The following JADE2 variants were observed in gnomAD, a reference collection of about 807,000 sequenced individuals.
JADE2 encodes E3 ubiquitin-protein ligase Jade-2.
JADE2 carries 13 observed loss-of-function variants against 85.7 expected under a neutral mutation model. The ratio of observed to expected loss-of-function variants is 0.15; its 90% CI spans 0.10 to 0.24. JADE2 has a LOEUF of 0.24. JADE2 is among the 10% of genes least tolerant of loss of function. The probability of loss-of-function intolerance (pLI) is 1.00; values close to 1 mark genes in which losing one functional copy is unlikely to be tolerated. For missense variants in JADE2, 846 were observed against 1,115.9 expected (o/e 0.76, Z 3.45); for synonymous variants, 440 against 456.1 (o/e 0.96, Z 0.45).
chr5:134,564,555 G>A lies in JADE2; in HGVS notation c.914G>A (p.Ser305Asn). ...PITKISHIPASRWALSCSLCK... is the reference protein window; with the variant it reads ...PITKISHIPANRWALSCSLCK... ...ACCAAGATCTCGCATATCCCAGCCAGCCGCTGGGCTCTGTCCTGCAGCCTC... is the reference window on the plus strand; with the variant it reads ...ACCAAGATCTCGCATATCCCAGCCAACCGCTGGGCTCTGTCCTGCAGCCTC... Residue 305 changes from serine (S) to asparagine (N), a missense_variant, in exon 8 of 12, where the codon AGC becomes AAC. By Grantham distance (46) the Ser-to-Asn change is conservative (BLOSUM62 1). Transcript: ENST00000681547. 1.3e-6 allele frequency: 2 copies of A among 1,573,920 alleles called. No homozygotes were observed. The highest frequency in any genetic ancestry group is 1.7e-6 in the Non-Finnish European group (2 of 1,159,412).
intron 2 of JADE2, chr5:134,536,893 C>G (rs568315757): frequency 6.6e-6 from 1 of 152,420 alleles, no homozygotes; most frequent in Admixed American, 6.5e-5. Context: ...CAGAGTTCCA[C>G]AGCCCCCACA....
intron 1 of JADE2, among the ~76,000 whole-genome samples, chr5:134,528,982 C>T (rs116794348): frequency 0.023 from 3,563 of 152,266 alleles, 155 homozygotes; most frequent in African/African-American, 0.081. Flanking sequence ...GTGGGACTGC[C>T]AGTCCCCAGG....
chr5:134,560,765 G>A lies in JADE2; in HGVS notation c.492G>A (p.Glu164=), dbSNP rs774179241. Residue 164 remains glutamate (E), a synonymous_variant, in exon 6 of 12, where the codon GAG becomes GAA. Transcript: ENST00000681547. ...LKEMERPELD[E]LTLERVLEEL... is the part of the protein sequence containing the mutation. Reference sequence around the variant, plus strand: ...TCACAGAGAGGCCGGAGCTGGACGAGCTGACATTAGAGCGTGTGCTGGAGG... The same window carrying A: ...TCACAGAGAGGCCGGAGCTGGACGAACTGACATTAGAGCGTGTGCTGGAGG... 4.3e-6 allele frequency: 7 copies of A among 1,613,752 alleles called. No individual in the cohort carries two copies. The highest frequency in any genetic ancestry group is 2.7e-5 in the African/African-American group (2 of 74,930).
intron 9 of JADE2, among the ~76,000 whole-genome samples, chr5:134,571,725 G>T (rs56256312): frequency 0.012 from 1,806 of 152,200 alleles, 35 homozygotes; most frequent in African/African-American, 0.041. Flanking sequence ...TCCAATCCTG[G>T]CTTCCCTTGG....
chr5:134,564,664 G>T, intron 8 of JADE2, 54 bp downstream of exon 8: 2 of 1,200,130 alleles, frequency 1.7e-6, no homozygotes, highest in Non-Finnish European at 2.3e-6. Context: ...AGGCATGCTT[G>T]GGGCCTCAGA....
chr5:134,554,039 TG>T (rs1762766131), intron 4 of JADE2, among the ~76,000 whole-genome samples: 1 of 152,222 alleles, frequency 6.6e-6, no homozygotes, highest in African/African-American at 2.4e-5. Flanking sequence ...TGTCTACTCC[TG>T]GCCTTGGCAA....
chr5:134,578,860 G>T lies in JADE2; in HGVS notation c.2048G>T (p.Gly683Val), dbSNP rs1764548387. 1.2e-6 allele frequency: 2 copies of T among 1,613,772 alleles called. No homozygotes were observed. Among genetic ancestry groups the T allele is most frequent in the South Asian group, 1.1e-5 (1 of 91,084 alleles). Residue 683 changes from glycine to valine, a missense_variant, in exon 12 of 12, where the codon GGT becomes GTT. Gly to Val is a moderately radical substitution (Grantham distance 109, BLOSUM62 -3). This residue lies in a region of JADE2 where 300 missense variants were observed against 300.7 expected (regional missense o/e 1.00). Coordinates refer to ENST00000681547, the MANE Select transcript of JADE2 (RefSeq NM_001388185.1). This position sits in a 1 kb window ranked among gnomAD's most constrained non-coding sequence, Gnocchi z 4.4. ...CAGGATGCAGGCAGTGGCAAGGGGG[G>T]TCAAGGGCCACCTACCAGGAAGCCA... ...WGQDAGSGKG[G>V]QGPPTRKPPR...
chr5:134,578,517 A>G lies in JADE2; in HGVS notation c.1705A>G (p.Ile569Val). The G allele has an allele frequency of 6.3e-7, 1 of 1,593,206 alleles. No homozygotes were observed. Among genetic ancestry groups the G allele is most frequent in the Non-Finnish European group, 8.6e-7 (1 of 1,165,654 alleles). ...AGCAGGCCTGTCCACCTCATTCCCC[A>G]TCGATGGCACCTTCTTCAACAGCTG... is the stretch of plus-strand genomic sequence containing the variant. The part of the protein sequence containing the change: ...QLAGLSTSFP[I>V]DGTFFNSWLA... The change falls in exon 12 of 12, where the codon ATC (isoleucine) becomes GTC (valine). Residue 569 changes from isoleucine (I) to valine (V), a missense_variant. Physicochemically the swap from Ile to Val is conservative, Grantham distance 29 (BLOSUM62 3). Transcript: ENST00000681547. The surrounding 1 kb of genome is among the most constrained non-coding windows in gnomAD (Gnocchi z 4.4).
rs1764689645 is a variant in JADE2, at chr5:134,581,079, G to A, written c.*1762G>A. 1 of 152,590 alleles carries A rather than the reference G, an allele frequency of 6.6e-6. No homozygotes were observed. Among genetic ancestry groups the A allele is most frequent in the African/African-American group, 2.4e-5 (1 of 41,450 alleles). The allele number at this position is 152,590 out of a possible 1,614,324, so 9.5% of individuals were successfully genotyped here. ...TCCAAAACTATCAAGGTACGACAGT[G>A]GCATTGTCATCGACACTCAATTTCA... On this transcript the variant is annotated 3_prime_UTR_variant, in exon 12 of 12. Coordinates refer to ENST00000681547, the MANE Select transcript of JADE2 (RefSeq NM_001388185.1).
chr5:134,579,062 C>G lies in JADE2; in HGVS notation c.2250C>G (p.Gly750=). The G allele has an allele frequency of 6.2e-7, 1 of 1,613,994 alleles. No homozygotes were observed. Among genetic ancestry groups the G allele is most frequent in the East Asian group, 2.2e-5 (1 of 44,882 alleles). Residue 750 remains glycine (G), a synonymous_variant, in exon 12 of 12, where the codon GGC becomes GGG. Coordinates refer to ENST00000681547, the MANE Select transcript of JADE2 (RefSeq NM_001388185.1). The surrounding 1 kb of genome is among the most constrained non-coding windows in gnomAD (Gnocchi z 4.6). ...CTGCAGCAAGCCCTAAGCCTTTGGG[C>G]CGGCTCCGGCCACCCCGCGAGAGCA... is the stretch of plus-strand genomic sequence containing the variant. ...PGPAASPKPL[G]RLRPPRESKV... is the part of the protein sequence containing the mutation.
In JADE2 at chr5:134,579,229, AT is replaced by A. The variant is rs1265294013; in HGVS notation, c.2418del (p.Asp806GlufsTer2). The A allele has an allele frequency of 1.9e-6, 3 of 1,613,984 alleles. No individual in the cohort carries two copies. The highest frequency in any genetic ancestry group is 1.3e-5 in the African/African-American group (1 of 74,938). On this transcript the variant is annotated frameshift_variant, in exon 12 of 12. Transcript: ENST00000681547. LOFTEE classifies it high-confidence loss of function. This position sits in a 1 kb window ranked among gnomAD's most constrained non-coding sequence, Gnocchi z 4.6. ...TCTGATGGGGAGATGAGCGACTCAG[AT>A]GTAGAGGCCGAGGACGGTGGGGTGC... Reference protein sequence around the residue: ...YFSDGEMSDSDVEAEDGGVQR... With the variant: ...YFSDGEMSDSXVEAEDGGVQR...
At chr5:134,577,710 G>A (rs918943763) in intron 11 of JADE2, among the ~76,000 whole-genome samples, 11 of 151,998 alleles carry the variant, frequency 7.2e-5, no homozygotes, top group African/African-American at 1.4e-4. Flanking sequence ...CACCCCTCCC[G>A]CAAAAAGAAG....
chr5:134,526,772 G>A (rs1016540353), intron 1 of JADE2: 610 of 985,300 alleles, frequency 6.2e-4, no homozygotes, highest in Non-Finnish European at 7.0e-4. Context: ...AGTGTGGAGG[G>A]TGCGGAGCCT....
intron 10 of JADE2, among the ~76,000 whole-genome samples, chr5:134,576,448 C>G (rs1183938226): frequency 1.3e-5 from 2 of 152,140 alleles, no homozygotes; most frequent in Non-Finnish European, 2.9e-5. Context: ...AAGGCCCTGC[C>G]CTGTCCAGAC....
chr5:134,545,446 A>G (rs1762242482), intron 3 of JADE2, among the ~76,000 whole-genome samples: 1 of 151,346 alleles, frequency 6.6e-6, no homozygotes, highest in Non-Finnish European at 1.5e-5. Flanking sequence ...AACTTAGCCT[A>G]GTGGTAGCTT....
At chr5:134,567,785 A>G (rs1763741493) in intron 9 of JADE2, among the ~76,000 whole-genome samples, 1 of 152,152 alleles carries the variant, frequency 6.6e-6, no homozygotes, top group Non-Finnish European at 1.5e-5. Context: ...GAAATGACCT[A>G]TTGCCCCCAG....
At chr5:134,544,517 G>C (rs1762172415) in intron 3 of JADE2, 1 of 167,114 alleles carries the variant, frequency 6.0e-6, no homozygotes. Context: ...TGGAGCCCTG[G>C]GGGGTGAAGG....
rs1195204219 is a variant in JADE2, at chr5:134,566,193, A to G, written c.1047A>G (p.Leu349=). 6.2e-7 allele frequency: 1 copy of G among 1,613,986 alleles called. No homozygotes were observed. The highest frequency in any genetic ancestry group is 1.1e-5 in the South Asian group (1 of 91,074). The change falls in exon 9 of 12, where the codon TTA becomes TTG. Residue 349 remains leucine (L), a synonymous_variant. Transcript: ENST00000681547. This position sits in a 1 kb window ranked among gnomAD's most constrained non-coding sequence, Gnocchi z 6.7. ...FDHGLEMRTI[L]ADNDEVKFKS... ...ACGGCCTGGAAATGCGGACTATATT[A>G]GCAGACAACGATGAGGTCAAGTTCA... is the stretch of plus-strand genomic sequence containing the variant.
At chr5:134,546,570 C>G (rs1762303418) in intron 3 of JADE2, among the ~76,000 whole-genome samples, 1 of 152,004 alleles carries the variant, frequency 6.6e-6, no homozygotes, top group South Asian at 2.1e-4. Context: ...GAGTTCGATA[C>G]CAGCCTGGCC....
Sources: gnomAD v4.1 joint callset for allele counts (sites outside exome capture counted in the v4.1 genomes callset) on GRCh38, gnomAD v4.1.1 for gene constraint, gnomAD v4.1.1 regional missense constraint, Gnocchi (gnomAD v3.1) non-coding constraint, MANE v1.5 for transcripts, NCBI Gene and HGNC (gene_info 2026-07-23, HGNC 2026-07-21) for gene names.